The following FBXO38 variants were observed in gnomAD, a reference collection of about 807,000 sequenced individuals.
The protein encoded by FBXO38 is F-box protein 38.
FBXO38 carries 53 observed loss-of-function variants against 131.9 expected under a neutral mutation model. The observed-to-expected ratio is 0.40, with a 90% CI of 0.32 to 0.51. The LOEUF is 0.51. Ranked by LOEUF, FBXO38 falls within the 20% of genes least tolerant of loss-of-function variation. The pLI is 0.53. For missense variants in FBXO38, 1,076 were observed against 1,475.6 expected (o/e 0.73, Z 4.44); for synonymous variants, 452 against 505.6 (o/e 0.89, Z 1.42).
At position 148,427,649 on chromosome 5, in the gene FBXO38, A is replaced by T; in HGVS notation, c.2355A>T (p.Gln785His). 6.2e-7 allele frequency: 1 copy of T among 1,614,134 alleles called. No homozygotes were observed. Among genetic ancestry groups the T allele is most frequent in the Non-Finnish European group, 8.5e-7 (1 of 1,180,022 alleles). The change falls in exon 15 of 22, where the codon CAA becomes CAT. Residue 785 changes from glutamine to histidine, a missense_variant. Transcript: ENST00000340253. ...RCCCHRPQES[Q>H]RRTSRCSDEE... ...GCTGTCACAGGCCCCAGGAATCCCAAAGGAGAACTAGCAGGTGTTCTGATG... is the reference window on the plus strand; with the variant it reads ...GCTGTCACAGGCCCCAGGAATCCCATAGGAGAACTAGCAGGTGTTCTGATG...
At chr5:148,387,813 T>A in intron 1 of FBXO38, among the ~76,000 whole-genome samples, 1 of 148,370 alleles carries the variant, frequency 6.7e-6, no homozygotes, top group Non-Finnish European at 1.5e-5. Flanking sequence ...TGCCTCAGCC[T>A]CCCAGGTGGC....
chr5:148,404,027 C>G (rs1452105231), intron 5 of FBXO38, among the ~76,000 whole-genome samples: 1 of 152,158 alleles, frequency 6.6e-6, no homozygotes, highest in Non-Finnish European at 1.5e-5. Context: ...TTAAGCCACT[C>G]CTGGATCCCA....
chr5:148,408,855 T>A (rs1304199076), intron 7 of FBXO38, among the ~76,000 whole-genome samples: 1 of 152,208 alleles, frequency 6.6e-6, no homozygotes, highest in Non-Finnish European at 1.5e-5. Context: ...TCTGACTTTC[T>A]AAAAATCCTT....
In FBXO38 at chr5:148,425,603, T is replaced by G. The variant is rs778782230; in HGVS notation, c.1820T>G (p.Leu607Arg). 2.5e-6 allele frequency: 4 copies of G among 1,613,848 alleles called. No individual in the cohort carries two copies. ...DSESDDEEDS[L>R]ELQEVWIPKN... is the part of the protein sequence containing the mutation. Reference sequence around the variant, plus strand: ...GAGAGTGATGATGAAGAAGATAGTCTAGAACTCCAAGAAGTCTGGATTCCT... The same window carrying G: ...GAGAGTGATGATGAAGAAGATAGTCGAGAACTCCAAGAAGTCTGGATTCCT... Residue 607 changes from leucine to arginine, a missense_variant, in exon 14 of 22, where the codon CTA (leucine) becomes CGA (arginine). Transcript: ENST00000340253.
intron 17 of FBXO38, chr5:148,434,099 G>A (rs1050648709): frequency 3.8e-4 from 61 of 162,490 alleles, no homozygotes; most frequent in Middle Eastern, 2.9e-3. Context: ...GGAAGCAGCG[G>A]TTGGGCCTCA....
intron 5 of FBXO38, among the ~76,000 whole-genome samples, chr5:148,404,181 G>A (rs1252175418): frequency 6.6e-6 from 1 of 152,162 alleles, no homozygotes; most frequent in Non-Finnish European, 1.5e-5. Flanking sequence ...AGCTTTTAAA[G>A]TTCTGTGTTT....
intron 10 of FBXO38, among the ~76,000 whole-genome samples, chr5:148,415,097 G>T (rs1752975312): frequency 6.6e-6 from 1 of 152,090 alleles, no homozygotes; most frequent in Non-Finnish European, 1.5e-5. Context: ...TGTCTCATGT[G>T]CCAGCAGCAG....
At chr5:148,426,835 A>G (rs1484214658) in intron 14 of FBXO38, among the ~76,000 whole-genome samples, 1 of 152,176 alleles carries the variant, frequency 6.6e-6, no homozygotes. Context: ...TGCAGAAGAG[A>G]TGGAGTAGAG....
At chr5:148,416,091 T>G in intron 11 of FBXO38, 21 bp downstream of exon 11, 1 of 1,513,716 alleles carries the variant, frequency 6.6e-7, no homozygotes, top group Non-Finnish European at 8.8e-7. Context: ...TTTGAGGGAG[T>G]TTTTGTTTAT....
At chr5:148,439,826 A>G in intron 19 of FBXO38, 34 bp downstream of exon 19, 2 of 1,607,160 alleles carry the variant, frequency 1.2e-6, no homozygotes, top group South Asian at 2.2e-5. Flanking sequence ...AGGCCTTTTG[A>G]GTCATTTCTC....
chr5:148,396,619 A>G (rs889271613), intron 2 of FBXO38, among the ~76,000 whole-genome samples: 6 of 152,156 alleles, frequency 3.9e-5, no homozygotes. Context: ...ATATATTGTG[A>G]AAAAATTGGA....
intron 4 of FBXO38, 48 bp downstream of exon 4, chr5:148,402,193 A>G: frequency 6.3e-7 from 1 of 1,580,096 alleles, no homozygotes; most frequent in South Asian, 1.1e-5. Flanking sequence ...TTATGAAATA[A>G]TAGACCAAAG....
chr5:148,397,024 A>G (rs1341760995), intron 2 of FBXO38, among the ~76,000 whole-genome samples: 1 of 152,238 alleles, frequency 6.6e-6, no homozygotes, highest in African/African-American at 2.4e-5. Context: ...TGGAGAAAAC[A>G]GCATTTGACA....
intron 5 of FBXO38, among the ~76,000 whole-genome samples, 196 bp from the exon 6 acceptor site, chr5:148,404,489 A>G (rs963032200): frequency 3.3e-5 from 5 of 152,188 alleles, no homozygotes; most frequent in Non-Finnish European, 7.3e-5. Context: ...AAGTCAGTTT[A>G]TGGTTTACGT....
intron 10 of FBXO38, among the ~76,000 whole-genome samples, chr5:148,414,635 T>C (rs904490844): frequency 2.0e-5 from 3 of 152,154 alleles, no homozygotes; most frequent in Non-Finnish European, 4.4e-5. Flanking sequence ...GTAGTTATTT[T>C]CTCAGAATTA....
At chr5:148,397,697 T>C (rs1758554192) in intron 2 of FBXO38, 1 of 152,318 alleles carries the variant, frequency 6.6e-6, no homozygotes, top group South Asian at 2.1e-4. Flanking sequence ...ACTTTTCTTT[T>C]AGAATTAGCA....
At chr5:148,439,884 T>C in intron 19 of FBXO38, 92 bp downstream of exon 19, 1 of 1,278,394 alleles carries the variant, frequency 7.8e-7, no homozygotes, top group Non-Finnish European at 1.1e-6. Flanking sequence ...TTATTTTAAA[T>C]GATTCCATCT....
At chr5:148,405,209 T>G (rs747312131) in intron 6 of FBXO38, among the ~76,000 whole-genome samples, 60 of 152,210 alleles carry the variant, frequency 3.9e-4, no homozygotes, top group Non-Finnish European at 5.4e-4. Flanking sequence ...AACAGAAATC[T>G]TTAGTGTCCC....
intron 2 of FBXO38, among the ~76,000 whole-genome samples, chr5:148,395,939 A>G (rs755420929): frequency 6.6e-6 from 1 of 152,134 alleles, no homozygotes; most frequent in African/African-American, 2.4e-5. Context: ...TAGGTAGTTT[A>G]CCTATGAAAA....
Sources: gnomAD v4.1 joint callset for allele counts (sites outside exome capture counted in the v4.1 genomes callset) on GRCh38, gnomAD v4.1.1 for gene constraint, MANE v1.5 for transcripts, NCBI Gene and HGNC (gene_info 2026-07-23, HGNC 2026-07-21) for gene names.